The following GRHL2 variants were observed in gnomAD, a reference collection of about 807,000 sequenced individuals.
GRHL2 encodes the protein grainyhead-like protein 2 homolog.
In GRHL2, 21 loss-of-function variants were observed where a neutral mutation model predicts 83.8. The ratio of observed to expected loss-of-function variants is 0.25; its 90% CI spans 0.18 to 0.36. The LOEUF (loss-of-function observed/expected upper bound fraction) is 0.36, where lower values mean the gene tolerates loss of function less well. Ranked by LOEUF, GRHL2 falls within the 10% of genes least tolerant of loss-of-function variation. GRHL2 has a pLI of 1.00. For synonymous variants in GRHL2, 280 were observed against 278.9 expected (o/e 1.00, Z -0.04); for missense variants, 623 against 781.8 (o/e 0.80, Z 2.42).
At chr8:101,582,849 G>C (rs1226451537) in intron 7 of GRHL2, among the ~76,000 whole-genome samples, 1 of 152,174 alleles carries the variant, frequency 6.6e-6, no homozygotes, top group Non-Finnish European at 1.5e-5. Flanking sequence ...ATTCAAGTGT[G>C]TGTGTGTATG....
intron 1 of GRHL2, among the ~76,000 whole-genome samples, chr8:101,530,644 C>T (rs2080247547): frequency 6.6e-6 from 1 of 152,178 alleles, no homozygotes; most frequent in African/African-American, 2.4e-5. Context: ...TCACCCCATT[C>T]AATTCATTCA....
chr8:101,607,404 T>C (rs748009737), intron 8 of GRHL2, among the ~76,000 whole-genome samples: 2 of 152,186 alleles, frequency 1.3e-5, no homozygotes, highest in Non-Finnish European at 2.9e-5. Flanking sequence ...TTCATGACCT[T>C]GCTTATTCCA....
chr8:101,526,718 AAG>A (rs1810813482), intron 1 of GRHL2, among the ~76,000 whole-genome samples: 1 of 152,154 alleles, frequency 6.6e-6, no homozygotes, highest in Non-Finnish European at 1.5e-5. Flanking sequence ...CCCTTAAAAA[AAG>A]CAGCTAGTTT....
At chr8:101,604,951 G>A (rs577218890) in intron 8 of GRHL2, among the ~76,000 whole-genome samples, 7 of 152,280 alleles carry the variant, frequency 4.6e-5, no homozygotes, top group Non-Finnish European at 7.3e-5. Context: ...ACTTTCCTGA[G>A]TGATGTCTAT....
At chr8:101,522,357 G>A in intron 1 of GRHL2, among the ~76,000 whole-genome samples, 1 of 152,206 alleles carries the variant, frequency 6.6e-6, no homozygotes, top group South Asian at 2.1e-4. Context: ...CATTGTATTA[G>A]GTATTATAAG....
intron 2 of GRHL2, chr8:101,544,168 A>G (rs1417594721): frequency 6.6e-6 from 1 of 152,186 alleles, no homozygotes; most frequent in African/African-American, 2.4e-5. Context: ...TAATTTAGTT[A>G]TTGCTCAGTG....
chr8:101,674,235 C>CA (rs1374435793), downstream of GRHL2, among the ~76,000 whole-genome samples: 4 of 151,900 alleles, frequency 2.6e-5, no homozygotes, highest in Admixed American at 6.5e-5. Flanking sequence ...AATAGAGACA[C>CA]AAAAAACCCT....
rs541365155 is a variant in GRHL2 at position 101,619,714 on chromosome 8, GT to G, written c.1257+23del. The G allele has an allele frequency of 5.6e-4, 890 of 1,593,974 alleles. 9 individuals carry two copies. In the African/African-American group the frequency reaches 0.01, roughly 18 times the overall value. On this transcript the variant is annotated intron_variant, in intron 9 of 15. Coordinates refer to ENST00000646743, the MANE Select transcript of GRHL2 (RefSeq NM_024915.4). ...TGTGACAAAGTGAGTAAAGATGACA[GT>G]TTTTTATAAAGGTATCTTTTTTATT...
At chr8:101,656,805 T>C (rs1813796478) in intron 14 of GRHL2, among the ~76,000 whole-genome samples, 1 of 151,986 alleles carries the variant, frequency 6.6e-6, no homozygotes, top group African/African-American at 2.4e-5. Flanking sequence ...AATTATAAAT[T>C]AATATATACT....
chr8:101,514,158 C>T (rs1230449914), intron 1 of GRHL2, among the ~76,000 whole-genome samples: 3 of 152,164 alleles, frequency 2.0e-5, no homozygotes. Flanking sequence ...CATTTACATG[C>T]TCATACCCAT....
intron 1 of GRHL2, among the ~76,000 whole-genome samples, chr8:101,522,323 TAAC>T (rs1027088758): frequency 2.6e-5 from 4 of 152,142 alleles, no homozygotes; most frequent in Admixed American, 1.3e-4. Context: ...GAAAACAATA[TAAC>T]AACTATTTTC....
intron 11 of GRHL2, among the ~76,000 whole-genome samples, chr8:101,636,448 C>T (rs940388242): frequency 4.6e-5 from 7 of 152,120 alleles, no homozygotes; most frequent in Non-Finnish European, 1.0e-4. Context: ...CTCCATCCCG[C>T]ATTTGGTCCA....
At chr8:101,638,900 C>T (rs896796749) in intron 12 of GRHL2, among the ~76,000 whole-genome samples, 5 of 152,324 alleles carry the variant, frequency 3.3e-5, no homozygotes, top group Admixed American at 1.3e-4. Flanking sequence ...CCTGGACTGC[C>T]GCCTACCAGT....
chr8:101,674,430 C>A (rs953010236), downstream of GRHL2, among the ~76,000 whole-genome samples: 1 of 152,104 alleles, frequency 6.6e-6, no homozygotes, highest in African/African-American at 2.4e-5. Context: ...CTACAAACAC[C>A]TCTACGCAAA....
At chr8:101,627,947 T>A (rs890341434) in intron 9 of GRHL2, among the ~76,000 whole-genome samples, 4 of 152,106 alleles carry the variant, frequency 2.6e-5, no homozygotes, top group Non-Finnish European at 4.4e-5. Context: ...GAAGAAAAGT[T>A]TGAAGCTAGC....
intron 7 of GRHL2, among the ~76,000 whole-genome samples, chr8:101,580,172 A>C (rs1006296907): frequency 2.0e-5 from 3 of 152,030 alleles, no homozygotes; most frequent in African/African-American, 7.2e-5. Flanking sequence ...TCTTTTTTTT[A>C]AATTGATACA....
intron 9 of GRHL2, among the ~76,000 whole-genome samples, chr8:101,622,917 A>C (rs1307525456): frequency 6.6e-6 from 1 of 152,194 alleles, no homozygotes; most frequent in African/African-American, 2.4e-5. Context: ...CCTCCCACAT[A>C]TCAGTGAGAA....
At chr8:101,554,060 A>G (rs1247939712) in intron 3 of GRHL2, among the ~76,000 whole-genome samples, 1 of 152,226 alleles carries the variant, frequency 6.6e-6, no homozygotes, top group East Asian at 1.9e-4. Context: ...CACATGTGTC[A>G]GAATCTGACC....
chr8:101,530,494 A>G (rs1810901642), intron 1 of GRHL2, among the ~76,000 whole-genome samples: 1 of 152,222 alleles, frequency 6.6e-6, no homozygotes, highest in South Asian at 2.1e-4. Flanking sequence ...GCTCTTAAAT[A>G]TAATAGTTCC....
Sources: gnomAD v4.1 joint callset for allele counts (sites outside exome capture counted in the v4.1 genomes callset) on GRCh38, gnomAD v4.1.1 for gene constraint, MANE v1.5 for transcripts, NCBI Gene and HGNC (gene_info 2026-07-23, HGNC 2026-07-21) for gene names.